The following PHF2 variants were observed in gnomAD, a reference collection of about 807,000 sequenced individuals.
The protein encoded by PHF2 is lysine-specific demethylase PHF2.
Under a neutral mutation model 120.5 loss-of-function variants are expected in PHF2, and 27 were observed. The observed-to-expected ratio is 0.22, with a 90% CI of 0.17 to 0.31. The LOEUF (loss-of-function observed/expected upper bound fraction) is 0.31, where lower values mean the gene tolerates loss of function less well. PHF2 is among the 10% of genes least tolerant of loss of function. The pLI, the probability that PHF2 is intolerant of heterozygous loss-of-function variation, is 1.00. For missense variants in PHF2, 1,024 were observed against 1,434.8 expected (o/e 0.71, Z 4.63); for synonymous variants, 568 against 592.5 (o/e 0.96, Z 0.60).
chr9:93,631,665 G>A (rs1452177036), intron 2 of PHF2, among the ~76,000 whole-genome samples: 1 of 152,150 alleles, frequency 6.6e-6, no homozygotes, highest in Non-Finnish European at 1.5e-5. Context: ...GACACAAACA[G>A]GGCTGAGCTT....
intron 1 of PHF2, among the ~76,000 whole-genome samples, chr9:93,584,076 C>T (rs1862987677): frequency 6.6e-6 from 1 of 152,138 alleles, no homozygotes; most frequent in South Asian, 2.1e-4. Flanking sequence ...GATCTTCCTG[C>T]CTTGGCCTCC....
In PHF2 at chr9:93,646,947, A is replaced by C. The variant is rs1193783743; in HGVS notation, c.460+1158A>C. Reference sequence around the variant, plus strand: ...TACTGAGGAGGAGGGCAGGCTGGACATAGTTGGAGCTGTGGCACTAGCTCT... The same window carrying C: ...TACTGAGGAGGAGGGCAGGCTGGACCTAGTTGGAGCTGTGGCACTAGCTCT... On this transcript the variant is annotated intron_variant, in intron 4 of 21. Coordinates refer to ENST00000359246, the MANE Select transcript of PHF2 (RefSeq NM_005392.4). Among the ~76,000 whole-genome samples, 4 of 152,312 alleles carry C rather than the reference A, an allele frequency of 2.6e-5. No homozygotes were observed. In the East Asian group the frequency reaches 7.7e-4, roughly 29 times the overall value.
chr9:93,614,065 C>T (rs1825682486), intron 1 of PHF2, among the ~76,000 whole-genome samples: 2 of 152,214 alleles, frequency 1.3e-5, no homozygotes, highest in African/African-American at 4.8e-5. Flanking sequence ...GTTACCTGCC[C>T]CAAGGCTGCC....
At chr9:93,669,822 G>T (rs1242662032) in intron 17 of PHF2, among the ~76,000 whole-genome samples, 2 of 152,324 alleles carry the variant, frequency 1.3e-5, no homozygotes, top group Non-Finnish European at 2.9e-5. Flanking sequence ...AGTCTTGGGA[G>T]CCCTCTTGCT....
Position 93,655,977 on chromosome 9 carries a change from C to T in PHF2, c.996C>T (p.Phe332=). ...ATLTPVDCLA[F]AGHFLHSLSV... is the part of the protein sequence containing the mutation. ...TCACCCCTGTGGACTGCCTGGCCTT[C>T]GCGGGACATTTCCTCCACAGCCTGA... is the stretch of plus-strand genomic sequence containing the variant. The change falls in exon 8 of 22, where the codon TTC becomes TTT. Residue 332 remains phenylalanine (F), a synonymous_variant. Transcript: ENST00000359246. 1 of 1,613,008 alleles carries T rather than the reference C, an allele frequency of 6.2e-7. No homozygotes were observed.
At chr9:93,631,930 T>G (rs2131655690) in intron 2 of PHF2, among the ~76,000 whole-genome samples, 1 of 152,122 alleles carries the variant, frequency 6.6e-6, no homozygotes, top group East Asian at 1.9e-4. Flanking sequence ...GGGCCTCTTC[T>G]GATAGTCAGC....
chr9:93,578,401 G>A (rs1464904615), intron 1 of PHF2, among the ~76,000 whole-genome samples: 1 of 152,234 alleles, frequency 6.6e-6, no homozygotes, highest in Non-Finnish European at 1.5e-5. Context: ...CCGGGCCAAA[G>A]TGAGTGAGAG....
At chr9:93,674,876 T>C in intron 18 of PHF2, 51 bp from the exon 19 acceptor site, 1 of 1,397,034 alleles carries the variant, frequency 7.2e-7, no homozygotes, top group Non-Finnish European at 1.0e-6. Context: ...CCCTCCTCCG[T>C]GGACCTGCCC....
rs190144774 is a variant in PHF2, at chr9:93,659,949, G to C, written c.1330-243G>C. Among the ~76,000 whole-genome samples, 188 of 152,330 alleles carry C rather than the reference G, an allele frequency of 1.2e-3. 2 individuals carry two copies. Among genetic ancestry groups the C allele is most frequent in the Non-Finnish European group, 2.5e-4 (17 of 68,024 alleles). ...ATGAGCCCTCAGCCGCTGTGCTGGG[G>C]TAGGACAGAAGAGCCTTGGGGAGAG... On this transcript the variant is annotated intron_variant, in intron 11 of 21. Coordinates refer to ENST00000359246, the MANE Select transcript of PHF2 (RefSeq NM_005392.4).
At chr9:93,591,284 ATTAGATT>A (rs1240510691) in intron 1 of PHF2, among the ~76,000 whole-genome samples, 1 of 152,188 alleles carries the variant, frequency 6.6e-6, no homozygotes, top group East Asian at 1.9e-4. Flanking sequence ...GTATTATTTT[ATTAGATT>A]TTAAACTACT....
chr9:93,624,696 ATGG>A (rs969470288), intron 1 of PHF2, among the ~76,000 whole-genome samples: 8 of 112,976 alleles, frequency 7.1e-5, no homozygotes, highest in Non-Finnish European at 1.4e-4. Context: ...GGTGGTGGCG[ATGG>A]TGGTAGAGGT....
intron 17 of PHF2, chr9:93,671,276 G>A (rs537447569): frequency 1.2e-6 from 1 of 841,252 alleles, no homozygotes; most frequent in Non-Finnish European, 1.4e-6. Flanking sequence ...GTGGGAGTAG[G>A]CACAGGTGCA....
At chr9:93,650,015 G>A (rs1037022725) in intron 5 of PHF2, among the ~76,000 whole-genome samples, 3 of 144,432 alleles carry the variant, frequency 2.1e-5, no homozygotes, top group South Asian at 4.5e-4. Context: ...TCACACTCAC[G>A]GACACACTCG....
At position 93,667,072 on chromosome 9, in the gene PHF2, C is replaced by T. The variant is rs1481749368; in HGVS notation, c.2188-8C>T. The T allele has an allele frequency of 4.3e-6, 7 of 1,610,006 alleles. No individual in the cohort carries two copies. The highest frequency in any genetic ancestry group is 2.2e-5 in the South Asian group (2 of 90,718). ...CCCCTGACCGAAGCCCTGTCCCTCGCGCAGCAGAGTGATGACTCCTCGGAC... is the reference window on the plus strand; with the variant it reads ...CCCCTGACCGAAGCCCTGTCCCTCGTGCAGCAGAGTGATGACTCCTCGGAC... On this transcript the variant is annotated splice_region_variant and splice_polypyrimidine_tract_variant and intron_variant, in intron 16 of 21. Transcript: ENST00000359246.
At chr9:93,651,989 G>T (rs1380973142) in intron 5 of PHF2, among the ~76,000 whole-genome samples, 1 of 152,182 alleles carries the variant, frequency 6.6e-6, no homozygotes, top group African/African-American at 2.4e-5. Context: ...ATGAATGGGG[G>T]CAATGAGGAC....
intron 9 of PHF2, 116 bp from the exon 10 acceptor site, chr9:93,658,029 G>T: frequency 1.5e-6 from 1 of 675,518 alleles, no homozygotes; most frequent in Non-Finnish European, 2.6e-6. Flanking sequence ...GCCATGGGCG[G>T]AGGGAGACCT....
intron 1 of PHF2, among the ~76,000 whole-genome samples, chr9:93,596,286 G>A (rs567321295): frequency 1.4e-4 from 21 of 152,348 alleles, no homozygotes; most frequent in African/African-American, 4.8e-4. Flanking sequence ...AGCTGGAGGA[G>A]TGGAGCTGAC....
intron 7 of PHF2, 142 bp from the exon 8 acceptor site, chr9:93,655,792 A>C: frequency 1.6e-6 from 1 of 628,602 alleles, no homozygotes; most frequent in Non-Finnish European, 2.9e-6. Flanking sequence ...ACAGGGCACC[A>C]AGGTGTAGGC....
rs558181202 is a variant in PHF2, at chr9:93,667,273, G to A, written c.2348+33G>A. 5.5e-4 allele frequency: 877 copies of A among 1,594,128 alleles called. 14 individuals are homozygous for A. The South Asian group carries it at 9.2e-3, about 17-fold the overall frequency. On this transcript the variant is annotated intron_variant, in intron 17 of 21. Coordinates refer to ENST00000359246, the MANE Select transcript of PHF2 (RefSeq NM_005392.4). Reference sequence around the variant, plus strand: ...CCACCACCCGGCAGCACCCAAGAGCGGGGACCAGGCAGGCCCAGGGCTGGC... The same window carrying A: ...CCACCACCCGGCAGCACCCAAGAGCAGGGACCAGGCAGGCCCAGGGCTGGC...
Sources: gnomAD v4.1 joint callset for allele counts (sites outside exome capture counted in the v4.1 genomes callset) on GRCh38, gnomAD v4.1.1 for gene constraint, MANE v1.5 for transcripts, NCBI Gene and HGNC (gene_info 2026-07-23, HGNC 2026-07-21) for gene names.